The following MACROD2 variants were observed in gnomAD, a reference collection of about 807,000 sequenced individuals.
MACROD2 encodes mono-ADP ribosylhydrolase 2.
Under a neutral mutation model 70.4 loss-of-function variants are expected in MACROD2, and 36 were observed. The ratio of observed to expected loss-of-function variants is 0.51; its 90% CI spans 0.39 to 0.68. MACROD2 has a LOEUF of 0.68. Among genes scored for constraint, MACROD2 ranks in the 30% least tolerant of loss-of-function variants. The pLI, the probability that MACROD2 is intolerant of heterozygous loss-of-function variation, is 0.00. For missense variants in MACROD2, 496 were observed against 538.4 expected, an observed-to-expected ratio of 0.92 and a Z score of 0.78; for synonymous variants, 172 against 178.8, an observed-to-expected ratio of 0.96 and a Z score of 0.30.
At chr20:14,959,298 A>G (rs187914218) in intron 5 of MACROD2, among the ~76,000 whole-genome samples, 142 of 151,978 alleles carry the variant, frequency 9.3e-4, no homozygotes, top group African/African-American at 3.3e-3. Context: ...TGCCTGGCCA[A>G]TTTTGTATTT....
chr20:15,548,466 G>A (rs1271164638), intron 8 of MACROD2, among the ~76,000 whole-genome samples: 4 of 152,072 alleles, frequency 2.6e-5, no homozygotes, highest in Non-Finnish European at 5.9e-5. Flanking sequence ...CGCACTCTCG[G>A]CTCACTGCAA....
At chr20:15,703,194 A>G (rs765311501) in intron 8 of MACROD2, among the ~76,000 whole-genome samples, 1 of 152,230 alleles carries the variant, frequency 6.6e-6, no homozygotes, top group Non-Finnish European at 1.5e-5. Flanking sequence ...GAATTCTGCA[A>G]GAAAACCTAG....
At chr20:14,411,264 T>C (rs544158886) in intron 3 of MACROD2, among the ~76,000 whole-genome samples, 62 of 152,154 alleles carry the variant, frequency 4.1e-4, no homozygotes, top group Non-Finnish European at 6.0e-4. Flanking sequence ...AAAGAGAGAT[T>C]CAAATCTTCA....
Position 14,036,622 on chromosome 20 carries a change from C to A in MACROD2, c.163+34218C>A, listed in dbSNP as rs138759253. Among the ~76,000 whole-genome samples, 615 of 152,302 alleles carry A rather than the reference C, an allele frequency of 4.0e-3. 1 individual carries two copies. Among genetic ancestry groups the A allele is most frequent in the East Asian group, 0.01 (52 of 5,188 alleles). Reference sequence around the variant, plus strand: ...CTTCAGCTTTTCATTTAAGAGGAATCTGTATATTTAGCACAGTCGTGGGTT... The same window carrying A: ...CTTCAGCTTTTCATTTAAGAGGAATATGTATATTTAGCACAGTCGTGGGTT... On this transcript the variant is annotated intron_variant, in intron 2 of 17. Transcript: ENST00000684519.
At chr20:16,043,201 T>C (rs571126197) in intron 16 of MACROD2, among the ~76,000 whole-genome samples, 2 of 152,156 alleles carry the variant, frequency 1.3e-5, no homozygotes, top group Non-Finnish European at 2.9e-5. Context: ...CTAGAGAAGC[T>C]GGACATGGCT....
chr20:15,553,719 C>T lies in MACROD2; in HGVS notation c.645+53872C>T, dbSNP rs185813037. Reference sequence around the variant, plus strand: ...ACAGGCATGCTGGGCACATTGTGGACGTGCCCGGCCACCTTGGGTATTTTG... The same window carrying T: ...ACAGGCATGCTGGGCACATTGTGGATGTGCCCGGCCACCTTGGGTATTTTG... On this transcript the variant is annotated intron_variant, in intron 8 of 17. Coordinates refer to ENST00000684519, the MANE Select transcript of MACROD2 (RefSeq NM_001351661.2). 1.5e-3 allele frequency among the ~76,000 whole-genome samples: 233 copies of T among 152,274 alleles called. 1 individual carries two copies. The highest frequency in any genetic ancestry group is 0.015 in the Admixed American group (225 of 15,302).
chr20:16,020,724 A>G (rs2066989881), intron 15 of MACROD2, among the ~76,000 whole-genome samples: 1 of 151,808 alleles, frequency 6.6e-6, no homozygotes, highest in Non-Finnish European at 1.5e-5. Context: ...GCAGCCAAGA[A>G]CTTCACCACT....
At chr20:15,001,857 C>T (rs1250500184) in intron 5 of MACROD2, among the ~76,000 whole-genome samples, 1 of 152,010 alleles carries the variant, frequency 6.6e-6, no homozygotes, top group Non-Finnish European at 1.5e-5. Context: ...TTATCCCTCA[C>T]TCCCTCTCAT....
chr20:14,432,037 TA>T (rs1297033105), intron 3 of MACROD2, among the ~76,000 whole-genome samples: 1 of 152,186 alleles, frequency 6.6e-6, no homozygotes, highest in Non-Finnish European at 1.5e-5. Flanking sequence ...TTCCTCTTTT[TA>T]AAAAATTCAG....
At chr20:15,043,576 T>C (rs1003696609) in intron 5 of MACROD2, among the ~76,000 whole-genome samples, 2 of 152,200 alleles carry the variant, frequency 1.3e-5, no homozygotes, top group African/African-American at 4.8e-5. Context: ...CTTCAGATCT[T>C]CCTTTACTTA....
Position 15,867,395 on chromosome 20 carries a change from G to C in MACROD2, c.727+4569G>C, listed in dbSNP as rs1329672992. 2.6e-5 allele frequency among the ~76,000 whole-genome samples: 4 copies of C among 152,098 alleles called. No homozygotes were observed. In the East Asian group the frequency reaches 7.7e-4, roughly 29 times the overall value. On this transcript the variant is annotated intron_variant, in intron 9 of 17. Coordinates refer to ENST00000684519, the MANE Select transcript of MACROD2 (RefSeq NM_001351661.2). Reference sequence around the variant, plus strand: ...TTTTTCAACAGTTTTATATCTTGCTGTGGGGTAAAGCACATTTGACTTTTT... The same window carrying C: ...TTTTTCAACAGTTTTATATCTTGCTCTGGGGTAAAGCACATTTGACTTTTT...
chr20:14,810,510 T>G (rs918970362), intron 5 of MACROD2, among the ~76,000 whole-genome samples: 1 of 152,130 alleles, frequency 6.6e-6, no homozygotes, highest in Non-Finnish European at 1.5e-5. Flanking sequence ...GCTGGAAGCA[T>G]TCCCTTCGAA....
chr20:15,849,631 A>G (rs1600993328), intron 8 of MACROD2, among the ~76,000 whole-genome samples: 1 of 152,208 alleles, frequency 6.6e-6, no homozygotes, highest in East Asian at 1.9e-4. Flanking sequence ...CAACCTCATA[A>G]GCAGCAATGA....
intron 4 of MACROD2, among the ~76,000 whole-genome samples, chr20:14,524,201 T>C (rs765735954): frequency 6.6e-5 from 10 of 152,220 alleles, no homozygotes; most frequent in Non-Finnish European, 8.8e-5. Context: ...GGCAGAAATC[T>C]TGCATTGGAA....
chr20:14,694,444 C>T (rs1363576587), intron 5 of MACROD2, among the ~76,000 whole-genome samples: 1 of 152,192 alleles, frequency 6.6e-6, no homozygotes, highest in Non-Finnish European at 1.5e-5. Flanking sequence ...GCTGAAGGTA[C>T]TGCCTCTCTT....
intron 5 of MACROD2, among the ~76,000 whole-genome samples, chr20:14,855,810 A>G (rs1409329594): frequency 1.3e-5 from 2 of 151,986 alleles, no homozygotes; most frequent in Non-Finnish European, 2.9e-5. Flanking sequence ...CTCTTATGGT[A>G]TGTCTTATAG....
In MACROD2 at chr20:14,423,996, A is replaced by C. The variant is rs1231779498; in HGVS notation, c.272-69483A>C. On this transcript the variant is annotated intron_variant, in intron 3 of 17. Coordinates refer to ENST00000684519, the MANE Select transcript of MACROD2 (RefSeq NM_001351661.2). Reference sequence around the variant, plus strand: ...AGGCTAGTCTTGAACTCTCGACCTCAGGTGATCCGCCCGCCTCAGCCTCCC... The same window carrying C: ...AGGCTAGTCTTGAACTCTCGACCTCCGGTGATCCGCCCGCCTCAGCCTCCC... Among the ~76,000 whole-genome samples the C allele has an allele frequency of 2.6e-5, 4 of 151,776 alleles. No homozygotes were observed. In the East Asian group the frequency reaches 7.9e-4, roughly 30 times the overall value.
chr20:15,194,219 C>G (rs140076450), intron 5 of MACROD2, among the ~76,000 whole-genome samples: 131 of 112,184 alleles, frequency 1.2e-3, no homozygotes, highest in African/African-American at 4.3e-3. Flanking sequence ...GAACTTCAGC[C>G]TGGGTGACAG....
At chr20:14,489,418 A>G (rs1287430065) in intron 3 of MACROD2, among the ~76,000 whole-genome samples, 1 of 152,190 alleles carries the variant, frequency 6.6e-6, no homozygotes, top group East Asian at 1.9e-4. Flanking sequence ...ATTTTTTAGC[A>G]CTTCCTACTT....
Sources: gnomAD v4.1 joint callset for allele counts (sites outside exome capture counted in the v4.1 genomes callset) on GRCh38, gnomAD v4.1.1 for gene constraint, MANE v1.5 for transcripts, NCBI Gene and HGNC (gene_info 2026-07-23, HGNC 2026-07-21) for gene names.